MACROD2: variants seen among roughly 807,000 people sequenced by gnomAD.
MACROD2 encodes the protein ADP-ribose glycohydrolase MACROD2.
MACROD2 carries 36 observed loss-of-function variants against 70.4 expected under a neutral mutation model. The observed-to-expected ratio is 0.51, with a 90% CI of 0.39 to 0.68. The LOEUF (loss-of-function observed/expected upper bound fraction) is 0.68, where lower values mean the gene tolerates loss of function less well. Among genes scored for constraint, MACROD2 ranks in the 30% least tolerant of loss-of-function variants. The pLI, the probability that MACROD2 is intolerant of heterozygous loss-of-function variation, is 0.00. For synonymous variants in MACROD2, 172 were observed against 178.8 expected (o/e 0.96, Z 0.30); for missense variants, 496 against 538.4 (o/e 0.92, Z 0.78).
At chr20:15,437,908 G>C (rs2046447243) in intron 7 of MACROD2, among the ~76,000 whole-genome samples, 1 of 152,004 alleles carries the variant, frequency 6.6e-6, no homozygotes, top group Admixed American at 6.6e-5. Context: ...TCACTGATGG[G>C]CATTTAGGTT....
At chr20:14,784,380 C>T (rs1329424399) in intron 5 of MACROD2, among the ~76,000 whole-genome samples, 1 of 152,106 alleles carries the variant, frequency 6.6e-6, no homozygotes, top group Non-Finnish European at 1.5e-5. Context: ...CAGTCCTTCT[C>T]CAAGCTCACT....
intron 8 of MACROD2, among the ~76,000 whole-genome samples, chr20:15,567,447 A>C (rs2048325187): frequency 1.3e-5 from 2 of 152,224 alleles, no homozygotes; most frequent in African/African-American, 4.8e-5. Flanking sequence ...ACGCGCTGCC[A>C]ACACCTGGGA....
intron 6 of MACROD2, among the ~76,000 whole-genome samples, chr20:15,414,324 C>T (rs991296261): frequency 1.3e-5 from 2 of 152,188 alleles, no homozygotes; most frequent in African/African-American, 2.4e-5. Flanking sequence ...TACAGAATCT[C>T]AGACCCCAAC....
At chr20:15,202,875 C>CT (rs1404561497) in intron 5 of MACROD2, among the ~76,000 whole-genome samples, 2 of 152,116 alleles carry the variant, frequency 1.3e-5, no homozygotes, top group Non-Finnish European at 2.9e-5. Context: ...ATGTTTTTAG[C>CT]TTTTCCAGAA....
At chr20:15,409,615 T>A (rs181976914) in intron 6 of MACROD2, among the ~76,000 whole-genome samples, 67 of 152,256 alleles carry the variant, frequency 4.4e-4, no homozygotes, top group Non-Finnish European at 8.8e-4. Flanking sequence ...TTGGAGGTGA[T>A]GCTAGGATGC....
chr20:14,420,856 T>A (rs1430441068), intron 3 of MACROD2, among the ~76,000 whole-genome samples: 6 of 152,042 alleles, frequency 3.9e-5, no homozygotes, highest in African/African-American at 1.5e-4. Context: ...CATGCCTGGC[T>A]AATTTTTAAT....
intron 8 of MACROD2, among the ~76,000 whole-genome samples, chr20:15,709,914 G>A (rs189270011): frequency 6.6e-6 from 1 of 151,962 alleles, no homozygotes; most frequent in East Asian, 1.9e-4. Context: ...GTATTCTTTA[G>A]CAAGTCTCTC....
At chr20:15,190,828 T>C (rs2076565682) in intron 5 of MACROD2, among the ~76,000 whole-genome samples, 1 of 152,084 alleles carries the variant, frequency 6.6e-6, no homozygotes, top group Non-Finnish European at 1.5e-5. Context: ...TCTCTAGTGG[T>C]CTGGTACCTT....
intron 13 of MACROD2, among the ~76,000 whole-genome samples, chr20:15,978,537 G>A (rs1015438019): frequency 6.6e-6 from 1 of 151,872 alleles, no homozygotes; most frequent in African/African-American, 2.4e-5. Context: ...GCTGACTGTG[G>A]TGGAGCAGCC....
chr20:15,655,536 A>C (rs2049717227), intron 8 of MACROD2, among the ~76,000 whole-genome samples: 1 of 152,150 alleles, frequency 6.6e-6, no homozygotes, highest in African/African-American at 2.4e-5. Flanking sequence ...CCTTGACGTA[A>C]AGATTTGAAA....
intron 3 of MACROD2, among the ~76,000 whole-genome samples, chr20:14,426,110 A>G (rs1424940665): frequency 1.3e-5 from 2 of 152,084 alleles, no homozygotes; most frequent in African/African-American, 4.8e-5. Context: ...ACTTTCACTC[A>G]TGTTCTCCCT....
chr20:14,721,440 A>G (rs1271470211), intron 5 of MACROD2, among the ~76,000 whole-genome samples: 5 of 152,122 alleles, frequency 3.3e-5, no homozygotes, highest in African/African-American at 1.2e-4. Flanking sequence ...TCAAGGAGTT[A>G]ATTTACATTT....
intron 6 of MACROD2, among the ~76,000 whole-genome samples, chr20:15,401,921 C>G (rs2045936324): frequency 6.6e-6 from 1 of 152,150 alleles, no homozygotes; most frequent in African/African-American, 2.4e-5. Flanking sequence ...CTGAAACTAG[C>G]AAGGATTGTG....
chr20:14,609,852 A>G (rs1240017100), intron 4 of MACROD2, among the ~76,000 whole-genome samples: 2 of 152,122 alleles, frequency 1.3e-5, no homozygotes, highest in Non-Finnish European at 2.9e-5. Flanking sequence ...ATTTTCTACA[A>G]TGGAGAGAAA....
intron 8 of MACROD2, among the ~76,000 whole-genome samples, chr20:15,678,428 C>G (rs575053919): frequency 1.3e-5 from 2 of 151,490 alleles, no homozygotes; most frequent in Non-Finnish European, 2.9e-5. Context: ...GGCATGATCT[C>G]GGCTCACTGC....
At chr20:15,738,375 A>G (rs1316073103) in intron 8 of MACROD2, among the ~76,000 whole-genome samples, 4 of 152,210 alleles carry the variant, frequency 2.6e-5, no homozygotes, top group Non-Finnish European at 4.4e-5. Context: ...TTAGAGGACT[A>G]GAAAGAGTCA....
chr20:14,721,404 A>G (rs1159456329), intron 5 of MACROD2, among the ~76,000 whole-genome samples: 1 of 152,090 alleles, frequency 6.6e-6, no homozygotes, highest in African/African-American at 2.4e-5. Context: ...CTCAAAAACA[A>G]ATGAACCAGA....
At chr20:15,550,050 T>C (rs1049173586) in intron 8 of MACROD2, among the ~76,000 whole-genome samples, 1 of 152,058 alleles carries the variant, frequency 6.6e-6, no homozygotes, top group Non-Finnish European at 1.5e-5. Context: ...ATTTCCCCAG[T>C]TGACCCAATG....
rs370613396 is a variant in MACROD2 at position 14,326,206 on chromosome 20, G to T, written c.272-167273G>T. On this transcript the variant is annotated intron_variant, in intron 3 of 17. Transcript: ENST00000684519. The surrounding 1 kb of genome is among the most constrained non-coding windows in gnomAD (Gnocchi z 5.5). ...TTTAAGCCAGCTGAGTCTCAAAGCA[G>T]TCATAGGTAGAGCAAGTTTCCAAGA... 6.2e-7 allele frequency: 1 copy of T among 1,613,820 alleles called. No individual in the cohort carries two copies. Among genetic ancestry groups the T allele is most frequent in the African/African-American group, 1.3e-5 (1 of 74,902 alleles).
Sources: allele counts gnomAD v4.1 joint callset (sites outside exome capture counted in the v4.1 genomes callset), GRCh38; gene constraint gnomAD v4.1.1; non-coding constraint Gnocchi (gnomAD v3.1); transcripts MANE v1.5; gene names NCBI Gene and HGNC (gene_info 2026-07-23, HGNC 2026-07-21).